Variants in FRMD6 observed in about 807,000 individuals in gnomAD.
FRMD6 encodes the protein FERM domain containing 6.
Under a neutral mutation model 73.2 loss-of-function variants are expected in FRMD6, and 37 were observed. That is an observed-to-expected ratio of 0.51 (90% confidence interval 0.39 to 0.66). The LOEUF (loss-of-function observed/expected upper bound fraction) is 0.66. Ranked by LOEUF, FRMD6 falls within the 30% of genes least tolerant of loss-of-function variation. The probability of loss-of-function intolerance (pLI) is 0.00; values close to 1 mark genes in which losing one functional copy is unlikely to be tolerated. For missense variants in FRMD6, 714 were observed against 780.5 expected, an observed-to-expected ratio of 0.91 and a Z score of 1.02; for synonymous variants, 273 against 282.2, an observed-to-expected ratio of 0.97 and a Z score of 0.33.
chr14:51,621,033 C>T (rs1890907344), intron 2 of FRMD6, among the ~76,000 whole-genome samples: 1 of 152,220 alleles, frequency 6.6e-6, no homozygotes. Context: ...GGGGCTTTCA[C>T]ATCACTACAT....
At chr14:51,580,706 T>G (rs1888672420) in intron 2 of FRMD6, among the ~76,000 whole-genome samples, 1 of 152,210 alleles carries the variant, frequency 6.6e-6, no homozygotes, top group South Asian at 2.1e-4. Flanking sequence ...AATGAAAGAA[T>G]CAGGGGGTCT....
In FRMD6 at chr14:51,698,248, C is replaced by T. The variant is rs1254583224; in HGVS notation, c.190+16C>T. 1 of 1,567,878 alleles carries T rather than the reference C, an allele frequency of 6.4e-7. No homozygotes were observed. Among genetic ancestry groups the T allele is most frequent in the African/African-American group, 1.4e-5 (1 of 73,926 alleles). ...GTTATACAAAGTAAGTCTTAGAGCC[C>T]TCTCTGATGGATTTAGCCAACTATC... On this transcript the variant is annotated intron_variant, in intron 3 of 13. Transcript: ENST00000344768.
intron 1 of FRMD6, among the ~76,000 whole-genome samples, chr14:51,555,828 G>A (rs1887098664): frequency 6.6e-6 from 1 of 151,294 alleles, no homozygotes; most frequent in Non-Finnish European, 1.5e-5. Context: ...AAAGTTATCT[G>A]ATAAGTAGTA....
At chr14:51,727,475 T>C (rs1166819071) in intron 13 of FRMD6, among the ~76,000 whole-genome samples, 1 of 152,200 alleles carries the variant, frequency 6.6e-6, no homozygotes, top group African/African-American at 2.4e-5. Flanking sequence ...CTAGGACTGT[T>C]AGGAAGATTA....
chr14:51,619,350 C>T (rs1339492367), intron 2 of FRMD6, among the ~76,000 whole-genome samples: 1 of 149,128 alleles, frequency 6.7e-6, no homozygotes, highest in Non-Finnish European at 1.5e-5. Context: ...CATAGCTGGG[C>T]TTTAAGGTAT....
the FRMD6 span, among the ~76,000 whole-genome samples, chr14:51,482,381 G>A: frequency 6.6e-6 from 1 of 152,178 alleles, no homozygotes; most frequent in South Asian, 2.1e-4. Context: ...AGTCTCCAGC[G>A]CCAATGAAGA....
At chr14:51,411,380 T>C in the FRMD6 span, among the ~76,000 whole-genome samples, 13 of 151,820 alleles carry the variant, frequency 8.6e-5, no homozygotes, top group Non-Finnish European at 1.9e-4. Context: ...GGACAAGACA[T>C]GGAGGGGGAA....
Position 51,689,842 on chromosome 14 carries a change from C to T in FRMD6, c.6C>T (p.Asn2=), listed in dbSNP as rs771651059. 3 of 1,609,222 alleles carry T rather than the reference C, an allele frequency of 1.9e-6. No homozygotes were observed. The highest frequency in any genetic ancestry group is 2.2e-5 in the East Asian group (1 of 44,870). ...ACCAGAGTGCCCAAAACACAATGAA[C>T]AAATTGAATTTTCATAACAACAGAG... The part of the protein sequence containing the change: M[N]KLNFHNNRVM... Residue 2 remains asparagine, a synonymous_variant, in exon 2 of 14, where the codon AAC becomes AAT. Transcript: ENST00000344768.
At chr14:51,649,456 GTTGT>G (rs1197143603), upstream of FRMD6, 4 of 151,884 alleles carry the variant, frequency 2.6e-5, no homozygotes, top group East Asian at 5.8e-4. Flanking sequence ...CCAATATGTT[GTTGT>G]TTATCTGTTA....
rs74628412 is a variant in FRMD6 at position 51,707,805 on chromosome 14, A to T, written c.559-273A>T. Among the ~76,000 whole-genome samples the T allele has an allele frequency of 2.7e-3, 417 of 152,308 alleles. 1 individual carries two copies. Among genetic ancestry groups the T allele is most frequent in the African/African-American group, 9.4e-3 (390 of 41,564 alleles). On this transcript the variant is annotated intron_variant, in intron 6 of 13. Coordinates refer to ENST00000344768, the MANE Select transcript of FRMD6 (RefSeq NM_001267046.2). ...TTTGTGTAGTGTTTTTCTCTTGGTG[A>T]CTTTAAAGCAAAGATAACTTATTTT...
chr14:51,412,910 T>C, the FRMD6 span, among the ~76,000 whole-genome samples: 2 of 151,072 alleles, frequency 1.3e-5, no homozygotes, highest in Non-Finnish European at 2.9e-5. Flanking sequence ...AGAGTAACAA[T>C]CAGATATGCA....
At chr14:51,488,196 G>A (rs929067958), upstream of FRMD6, among the ~76,000 whole-genome samples, 10 of 152,158 alleles carry the variant, frequency 6.6e-5, no homozygotes, top group African/African-American at 2.4e-5. Context: ...GCAGGAGCCC[G>A]TCTCTGAAAT....
intron 2 of FRMD6, among the ~76,000 whole-genome samples, chr14:51,628,798 C>T (rs796079483): frequency 0.065 from 1,227 of 18,992 alleles, 17 homozygotes; most frequent in Middle Eastern, 0.1. Flanking sequence ...AAGACTCTGT[C>T]TCAAAAAAAA....
chr14:51,543,038 G>A (rs781458670), intron 1 of FRMD6, among the ~76,000 whole-genome samples: 2 of 151,946 alleles, frequency 1.3e-5, no homozygotes, highest in African/African-American at 2.4e-5. Flanking sequence ...TCTATGAATT[G>A]TCTTTTCACT....
chr14:51,469,667 A>G, the FRMD6 span, among the ~76,000 whole-genome samples: 3 of 150,490 alleles, frequency 2.0e-5, no homozygotes, highest in Non-Finnish European at 1.5e-5. Flanking sequence ...TGTTATTTTA[A>G]TATTTCTGGA....
At chr14:51,628,439 C>T (rs1284223289) in intron 2 of FRMD6, among the ~76,000 whole-genome samples, 1 of 152,118 alleles carries the variant, frequency 6.6e-6, no homozygotes, top group Admixed American at 6.5e-5. Context: ...AAATAACTCT[C>T]ATGCCTGTTT....
At chr14:51,493,712 T>C (rs1393047462) in intron 1 of FRMD6, among the ~76,000 whole-genome samples, 2 of 152,222 alleles carry the variant, frequency 1.3e-5, no homozygotes, top group Non-Finnish European at 2.9e-5. Flanking sequence ...TATATGAATA[T>C]AGTTTTCTAT....
chr14:51,727,309 G>GAAA (rs548953904), intron 13 of FRMD6, among the ~76,000 whole-genome samples: 6 of 145,246 alleles, frequency 4.1e-5, no homozygotes, highest in Non-Finnish European at 7.6e-5. Context: ...ATATCCTACT[G>GAAA]AAAAAAAAAA....
In FRMD6 at chr14:51,717,710, A is replaced by G. The variant is rs561321502; in HGVS notation, c.1024+2211A>G. Among the ~76,000 whole-genome samples the G allele has an allele frequency of 1.2e-4, 18 of 152,306 alleles. No homozygotes were observed. In the East Asian group the frequency reaches 2.7e-3, roughly 23 times the overall value. ...CCCCATTTAAGGGCTTTATCATTTT[A>G]ACATGAAAAGCCCTTTTTTGGGCAT... is the stretch of plus-strand genomic sequence containing the variant. On this transcript the variant is annotated intron_variant, in intron 10 of 13. Transcript: ENST00000344768.
Sources: allele counts gnomAD v4.1 joint callset (sites outside exome capture counted in the v4.1 genomes callset), GRCh38; gene constraint gnomAD v4.1.1; transcripts MANE v1.5; gene names NCBI Gene and HGNC (gene_info 2026-07-23, HGNC 2026-07-21).